KLHL25: variants seen among roughly 807,000 people sequenced by gnomAD.
KLHL25 encodes kelch-like protein 25.
KLHL25 carries 41 observed loss-of-function variants against 30.0 expected under a neutral mutation model. The ratio of observed to expected loss-of-function variants is 1.37; its 90% CI spans 1.07 to 1.78. The LOEUF is 1.78. Ranked by LOEUF, KLHL25 falls within the 40% of genes most tolerant of loss-of-function variation. The pLI is 0.00. For synonymous variants in KLHL25, 399 were observed against 355.3 expected (o/e 1.12, Z -1.38); for missense variants, 971 against 824.5 (o/e 1.18, Z -2.18).
At position 85,769,222 on chromosome 15, in the gene KLHL25, T is replaced by A; in HGVS notation, c.589A>T (p.Ile197Phe). Residue 197 changes from isoleucine to phenylalanine, a missense_variant, in exon 2 of 3, where the codon ATC (isoleucine) becomes TTC (phenylalanine). By Grantham distance (21) the Ile-to-Phe change is conservative. Transcript: ENST00000337975. ...TCGGTCTCCAGCTCATCACTCGAGA[T>A]GAGGTCCAGCAGTGTGTCCTTGGAC... ...SLSKDTLLDL[I>F]SSDELETEDE... 6.2e-7 allele frequency: 1 copy of A among 1,613,794 alleles called. No homozygotes were observed.
rs971837216 is a variant in KLHL25, at chr15:85,779,142, C to A, written c.-10-9322G>T. 9.9e-5 allele frequency among the ~76,000 whole-genome samples: 15 copies of A among 152,060 alleles called. No homozygotes were observed. The East Asian group carries it at 2.9e-3, about 29-fold the overall frequency. On this transcript the variant is annotated intron_variant, in intron 1 of 2. Coordinates refer to ENST00000337975, the MANE Select transcript of KLHL25 (RefSeq NM_022480.4). The stretch of plus-strand genomic sequence containing the variant: ...GGAACTGTTCAGGCCACACATCCAG[C>A]CCGGGGCAGGTGCAGATAGATGCAG...
intron 1 of KLHL25, among the ~76,000 whole-genome samples, chr15:85,785,428 G>A (rs1224100879): frequency 6.6e-6 from 1 of 152,226 alleles, no homozygotes; most frequent in Non-Finnish European, 1.5e-5. Context: ...CCTTAGCAGA[G>A]TGGGTAGTAT....
intron 1 of KLHL25, among the ~76,000 whole-genome samples, chr15:85,778,330 C>T (rs2089723247): frequency 1.3e-5 from 2 of 152,242 alleles, no homozygotes; most frequent in Non-Finnish European, 2.9e-5. Context: ...GCCAGAAAGT[C>T]CAATCCTGCC....
chr15:85,770,210 T>C (rs1023477961), intron 1 of KLHL25, among the ~76,000 whole-genome samples: 3 of 152,184 alleles, frequency 2.0e-5, no homozygotes, highest in Non-Finnish European at 2.9e-5. Flanking sequence ...CATTCCACTC[T>C]CATGACAGTC....
At chr15:85,786,489 G>C (rs1303975763) in intron 1 of KLHL25, among the ~76,000 whole-genome samples, 1 of 152,242 alleles carries the variant, frequency 6.6e-6, no homozygotes, top group Admixed American at 6.5e-5. Context: ...AAGTAAACAG[G>C]GTTTAGTCTG....
intron 2 of KLHL25, chr15:85,762,900 T>C (rs979913038): frequency 6.6e-6 from 1 of 152,368 alleles, no homozygotes; most frequent in African/African-American, 2.4e-5. Context: ...AGTGGATTAA[T>C]GAGCTCGGCC....
At chr15:85,777,665 G>A (rs1276742074) in intron 1 of KLHL25, among the ~76,000 whole-genome samples, 1 of 152,230 alleles carries the variant, frequency 6.6e-6, no homozygotes, top group East Asian at 1.9e-4. Context: ...CTGGTCACCA[G>A]GGAGTGGGAG....
In KLHL25 at chr15:85,769,620, AGCACGGCACGGTGACAGGGGAAG is replaced by A; in HGVS notation, c.168_190del (p.Phe57GlyfsTer4). ...CTCAAAATAGCGGCTAGAGGCGGCC[AGCACGGCACGGTGACAGGGGAAG>A]GCACGGTCGCCCGCCCAGAGTGTGA... On this transcript the variant is annotated frameshift_variant, in exon 2 of 3. Transcript: ENST00000337975. LOFTEE classifies it high-confidence loss of function. The A allele has an allele frequency of 6.2e-7, 1 of 1,613,246 alleles. No individual in the cohort carries two copies. The highest frequency in any genetic ancestry group is 8.5e-7 in the Non-Finnish European group (1 of 1,180,026).
rs901130307 is a variant in KLHL25 at position 85,789,947 on chromosome 15, G to A, written c.-11+4819C>T. On this transcript the variant is annotated intron_variant, in intron 1 of 2. Coordinates refer to ENST00000337975, the MANE Select transcript of KLHL25 (RefSeq NM_022480.4). The surrounding 1 kb of genome is among the most constrained non-coding windows in gnomAD (Gnocchi z 4.1). ...TGGAGTTACTGGGAAAATCTGAATC[G>A]AGTCTTCAGGAAACTAGGAGCTTGC... Among the ~76,000 whole-genome samples, 5 of 152,152 alleles carry A rather than the reference G, an allele frequency of 3.3e-5. No homozygotes were observed. Among genetic ancestry groups the A allele is most frequent in the African/African-American group, 9.7e-5 (4 of 41,430 alleles).
At chr15:85,782,733 A>G (rs1475108923) in intron 1 of KLHL25, among the ~76,000 whole-genome samples, 1 of 152,222 alleles carries the variant, frequency 6.6e-6, no homozygotes. Context: ...TATGGCATGC[A>G]GTAAATAACA....
At chr15:85,775,440 C>G (rs1202980153) in intron 1 of KLHL25, among the ~76,000 whole-genome samples, 1 of 152,182 alleles carries the variant, frequency 6.6e-6, no homozygotes, top group Non-Finnish European at 1.5e-5. Flanking sequence ...AAACCCAAGA[C>G]ACGGCCCTTC....
At position 85,769,467 on chromosome 15, in the gene KLHL25, T is replaced by C. The variant is rs746171846; in HGVS notation, c.344A>G (p.Glu115Gly). 2.5e-6 allele frequency: 4 copies of C among 1,613,906 alleles called. No homozygotes were observed. The highest frequency in any genetic ancestry group is 3.4e-6 in the Non-Finnish European group (4 of 1,180,024). The change falls in exon 2 of 3, where the codon GAG (glutamate) becomes GGG (glycine). Residue 115 changes from glutamate (E) to glycine (G), a missense_variant. Physicochemically the swap from Glu to Gly is moderately conservative, Grantham distance 98. Coordinates refer to ENST00000337975, the MANE Select transcript of KLHL25 (RefSeq NM_022480.4). ...AYSSRIAINEENAESLLEAGD... is the reference protein window; with the variant it reads ...AYSSRIAINEGNAESLLEAGD... ...TGCCTCCAGCAGTGACTCAGCGTTCTCCTCGTTGATGGCGATGCGTGAGGA... is the reference window on the plus strand; with the variant it reads ...TGCCTCCAGCAGTGACTCAGCGTTCCCCTCGTTGATGGCGATGCGTGAGGA...
At chr15:85,769,899 GC>G (rs2089659683) in intron 1 of KLHL25, 79 bp from the exon 2 acceptor site, 3 of 1,207,774 alleles carry the variant, frequency 2.5e-6, no homozygotes, top group East Asian at 5.1e-5. Flanking sequence ...TTCAGCACAA[GC>G]CCCCTTGTCC....
intron 2 of KLHL25, chr15:85,763,566 G>A: frequency 6.6e-6 from 1 of 152,156 alleles, no homozygotes; most frequent in Non-Finnish European, 1.5e-5. Flanking sequence ...CAGAACAGGG[G>A]AAAAAAAATG....
rs200685393 is a variant in KLHL25 at position 85,768,823 on chromosome 15, G to A, written c.988C>T (p.Arg330Trp). Residue 330 changes from arginine (R) to tryptophan (W), a missense_variant, in exon 2 of 3, where the codon CGG becomes TGG. Coordinates refer to ENST00000337975, the MANE Select transcript of KLHL25 (RefSeq NM_022480.4). ...IIPKADLPSP[R>W]KEFSASAIGC... is the part of the protein sequence containing the mutation. ...ATCGCTGAGGCGCTGAACTCCTTCC[G>A]GGGGCTGGGCAGGTCGGCCTTGGGG... The A allele has an allele frequency of 2.7e-5, 44 of 1,613,308 alleles. No homozygotes were observed. Among genetic ancestry groups the A allele is most frequent in the African/African-American group, 1.1e-4 (8 of 75,066 alleles).
chr15:85,793,813 T>A (rs771086417), intron 1 of KLHL25, among the ~76,000 whole-genome samples: 4 of 151,904 alleles, frequency 2.6e-5, no homozygotes, highest in Non-Finnish European at 5.9e-5. Flanking sequence ...TTCCCCAAGG[T>A]CAAATTCACC....
At chr15:85,793,900 G>A (rs918546266) in intron 1 of KLHL25, among the ~76,000 whole-genome samples, 12 of 152,230 alleles carry the variant, frequency 7.9e-5, no homozygotes, top group African/African-American at 2.9e-4. Flanking sequence ...ACAGTTCGTT[G>A]GGTCAGGCCT....
At chr15:85,783,993 C>T (rs2089762340) in intron 1 of KLHL25, among the ~76,000 whole-genome samples, 1 of 152,182 alleles carries the variant, frequency 6.6e-6, no homozygotes. Flanking sequence ...AGAGAGAATA[C>T]ACGTAAAGAG....
intron 1 of KLHL25, among the ~76,000 whole-genome samples, chr15:85,792,956 C>A (rs1191249415): frequency 6.6e-6 from 1 of 152,158 alleles, no homozygotes; most frequent in Non-Finnish European, 1.5e-5. Flanking sequence ...TAACTCAGGG[C>A]CTGGCACACA....
Sources: allele counts gnomAD v4.1 joint callset (sites outside exome capture counted in the v4.1 genomes callset), GRCh38; gene constraint gnomAD v4.1.1; non-coding constraint Gnocchi (gnomAD v3.1); transcripts MANE v1.5; gene names NCBI Gene and HGNC (gene_info 2026-07-23, HGNC 2026-07-21).